The following SMAD3 variants were observed in gnomAD, a reference collection of about 807,000 sequenced individuals.
SMAD3 encodes the protein SMAD family member 3.
SMAD3 carries 12 observed loss-of-function variants against 51.8 expected under a neutral mutation model. The observed-to-expected ratio is 0.23, with a 90% confidence interval of 0.15 to 0.38. The LOEUF (loss-of-function observed/expected upper bound fraction) is 0.38, where lower values mean the gene tolerates loss of function less well. Ranked by LOEUF, SMAD3 falls within the 10% of genes least tolerant of loss-of-function variation. The probability of loss-of-function intolerance (pLI) is 1.00; values close to 1 mark genes in which losing one functional copy is unlikely to be tolerated. For synonymous variants in SMAD3, 238 were observed against 227.7 expected (o/e 1.05, Z -0.41); for missense variants, 294 against 565.6 (o/e 0.52, Z 4.87).
intron 1 of SMAD3, among the ~76,000 whole-genome samples, chr15:67,116,943 A>G (rs1961148653): frequency 6.6e-6 from 1 of 152,214 alleles, no homozygotes; most frequent in Admixed American, 6.5e-5. Context: ...TTATCTTGAA[A>G]GAAGTTGTCA....
intron 1 of SMAD3, among the ~76,000 whole-genome samples, chr15:67,120,897 G>A (rs1212934099): frequency 6.6e-6 from 1 of 152,092 alleles, no homozygotes; most frequent in African/African-American, 2.4e-5. Flanking sequence ...GCTATCGTTA[G>A]TTAGCGTATT....
At chr15:67,174,731 A>G (rs1962843466) in intron 5 of SMAD3, 1 of 152,256 alleles carries the variant, frequency 6.6e-6, no homozygotes, top group South Asian at 2.1e-4. Context: ...TTCCTAGGAA[A>G]AAATGGGGAC....
At chr15:67,088,081 G>A (rs1960431920) in intron 1 of SMAD3, among the ~76,000 whole-genome samples, 1 of 152,178 alleles carries the variant, frequency 6.6e-6, no homozygotes, top group Admixed American at 6.5e-5. Context: ...GGAGCGGAGA[G>A]GGGTCACACA....
In SMAD3 at chr15:67,065,791, C is replaced by T. The variant is rs1408096567; in HGVS notation, c.-364C>T. The T allele has an allele frequency of 4.9e-6, 1 of 204,258 alleles. No individual in the cohort carries two copies. The highest frequency in any genetic ancestry group is 1.0e-5 in the Non-Finnish European group (1 of 99,310). 12.7% of individuals were successfully genotyped at this position (204,258 alleles called of 1,614,324 possible). The stretch of plus-strand genomic sequence containing the variant: ...TTGGCCGGGGGTTGGACTTTCCTTC[C>T]CGGAGGCGGCACCCAAACAGCTACC... On this transcript the variant is annotated 5_prime_UTR_variant, in exon 1 of 9. Transcript: ENST00000327367.
At chr15:67,144,846 G>T (rs1304959584) in intron 1 of SMAD3, among the ~76,000 whole-genome samples, 1 of 152,190 alleles carries the variant, frequency 6.6e-6, no homozygotes, top group Non-Finnish European at 1.5e-5. Context: ...TCACAGCCAG[G>T]CATGGGGCTG....
intron 1 of SMAD3, among the ~76,000 whole-genome samples, chr15:67,101,488 T>C (rs1319144618): frequency 6.6e-6 from 1 of 152,148 alleles, no homozygotes; most frequent in African/African-American, 2.4e-5. Context: ...GCCTGCCTGC[T>C]CTCTGAGGTC....
intron 1 of SMAD3, among the ~76,000 whole-genome samples, chr15:67,067,650 C>T (rs763505785): frequency 6.6e-6 from 1 of 152,166 alleles, no homozygotes; most frequent in Non-Finnish European, 1.5e-5. Context: ...CCACGGGAAC[C>T]GAGGGCAGGC....
At chr15:67,105,885 A>G (rs958534589) in intron 1 of SMAD3, among the ~76,000 whole-genome samples, 1 of 152,130 alleles carries the variant, frequency 6.6e-6, no homozygotes, top group East Asian at 1.9e-4. Context: ...GGAAGGCTTC[A>G]TCTGCATTCA....
intron 7 of SMAD3, 96 bp from the exon 8 acceptor site, chr15:67,187,269 G>A: frequency 7.1e-7 from 1 of 1,417,306 alleles, no homozygotes. Context: ...TATAAATGAG[G>A]CTGGTCTAGG....
chr15:67,151,198 G>T (rs1962132431), intron 1 of SMAD3, among the ~76,000 whole-genome samples: 1 of 151,850 alleles, frequency 6.6e-6, no homozygotes, highest in Non-Finnish European at 1.5e-5. Context: ...TTAGTGGAAG[G>T]CCCAGATTTG....
intron 1 of SMAD3, among the ~76,000 whole-genome samples, chr15:67,130,720 G>A (rs183786543): frequency 6.6e-6 from 1 of 152,370 alleles, no homozygotes; most frequent in East Asian, 1.9e-4. Context: ...GACACCATGG[G>A]CTGGTGGCCT....
intron 1 of SMAD3, among the ~76,000 whole-genome samples, chr15:67,151,322 T>TTTTATTTATTTATTTA (rs143155300): frequency 1.3e-5 from 2 of 149,580 alleles, no homozygotes; most frequent in African/African-American, 2.5e-5. Flanking sequence ...CCATTTTCCC[T>TTTTATTTATTTATTTA]TTTATTTATT....
At chr15:67,071,577 C>T (rs964209043) in intron 1 of SMAD3, among the ~76,000 whole-genome samples, 3 of 152,072 alleles carry the variant, frequency 2.0e-5, no homozygotes, top group East Asian at 1.9e-4. Flanking sequence ...TTTGGGAGGC[C>T]GAGGCAGGCG....
At chr15:67,072,972 A>G (rs908582279) in intron 1 of SMAD3, among the ~76,000 whole-genome samples, 1 of 152,318 alleles carries the variant, frequency 6.6e-6, no homozygotes, top group East Asian at 1.9e-4. Context: ...TTTCTGTGCC[A>G]GATAATGCGG....
intron 1 of SMAD3, among the ~76,000 whole-genome samples, chr15:67,160,809 A>G (rs1209615769): frequency 8.5e-6 from 1 of 117,602 alleles, no homozygotes; most frequent in East Asian, 2.7e-4. Context: ...AAAAAAAAAA[A>G]AAAGAAGATT....
chr15:67,170,427 A>G, intron 4 of SMAD3, 127 bp from the exon 5 acceptor site: 1 of 784,076 alleles, frequency 1.3e-6, no homozygotes, highest in Non-Finnish European at 2.3e-6. Context: ...TTCTCCTGGG[A>G]CCCCTCAGTC....
chr15:67,183,034 T>C (rs1179595253), intron 6 of SMAD3, among the ~76,000 whole-genome samples: 1 of 63,638 alleles, frequency 1.6e-5, no homozygotes, highest in African/African-American at 8.1e-5. Context: ...TATATATATT[T>C]TTTTTTTTTT....
chr15:67,111,141 A>G (rs1489812790), intron 1 of SMAD3, among the ~76,000 whole-genome samples: 5 of 152,246 alleles, frequency 3.3e-5, no homozygotes, highest in Non-Finnish European at 7.3e-5. Context: ...ATACCCATTA[A>G]CAGTCACTTC....
At chr15:67,136,425 C>T (rs1295950533) in intron 1 of SMAD3, among the ~76,000 whole-genome samples, 15 of 151,964 alleles carry the variant, frequency 9.9e-5, no homozygotes, top group Admixed American at 5.2e-4. Context: ...CTCCGCCTTC[C>T]GGATTCAAGC....
Sources: allele counts gnomAD v4.1 joint callset (sites outside exome capture counted in the v4.1 genomes callset), GRCh38; gene constraint gnomAD v4.1.1; transcripts MANE v1.5; gene names NCBI Gene and HGNC (gene_info 2026-07-23, HGNC 2026-07-21).